The following ANGPT1 variants were observed in gnomAD, a reference collection of about 807,000 sequenced individuals.
ANGPT1 encodes the protein angiopoietin 1, also known as angiopoietin-1.
Under a neutral mutation model 62.2 loss-of-function variants are expected in ANGPT1, and 17 were observed. The ratio of observed to expected loss-of-function variants is 0.27; its 90% confidence interval spans 0.19 to 0.41. The LOEUF (loss-of-function observed/expected upper bound fraction) is 0.41. Among genes scored for constraint, ANGPT1 ranks in the 10% least tolerant of loss-of-function variants. The pLI, the probability that ANGPT1 is intolerant of heterozygous loss-of-function variation, is 1.00. For synonymous variants in ANGPT1, 199 were observed against 198.9 expected (o/e 1.00, Z 0.00); for missense variants, 478 against 594.9 (o/e 0.80, Z 2.04).
At chr8:107,329,150 C>T (rs932817872) in intron 3 of ANGPT1, among the ~76,000 whole-genome samples, 12 of 151,934 alleles carry the variant, frequency 7.9e-5, no homozygotes, top group African/African-American at 2.7e-4. Context: ...TATGAGTGTA[C>T]ATCTGTGTAA....
intron 1 of ANGPT1, among the ~76,000 whole-genome samples, chr8:107,401,431 T>C (rs1315004493): frequency 1.3e-5 from 2 of 152,228 alleles, no homozygotes; most frequent in South Asian, 4.1e-4. Context: ...AGAACCACTG[T>C]AACAATCTTA....
intron 2 of ANGPT1, among the ~76,000 whole-genome samples, chr8:107,340,665 T>C (rs912829128): frequency 6.6e-6 from 1 of 151,350 alleles, no homozygotes; most frequent in Non-Finnish European, 1.5e-5. Context: ...TTTGTATTTT[T>C]TTTTTTTTTG....
chr8:107,285,488 A>G (rs1814117556), intron 6 of ANGPT1, among the ~76,000 whole-genome samples: 1 of 152,106 alleles, frequency 6.6e-6, no homozygotes. Context: ...GACTGTAATT[A>G]TTTACAAAGC....
At chr8:107,481,637 A>T (rs77646211) in intron 1 of ANGPT1, among the ~76,000 whole-genome samples, 7,909 of 151,928 alleles carry the variant, frequency 0.052, 235 homozygotes, top group South Asian at 0.11. Flanking sequence ...GAAACTGGGT[A>T]ATTTATAAAG....
At chr8:107,288,581 A>G (rs1272081768) in intron 6 of ANGPT1, among the ~76,000 whole-genome samples, 1 of 152,150 alleles carries the variant, frequency 6.6e-6, no homozygotes, top group Admixed American at 6.6e-5. Context: ...AGGGAGAGCT[A>G]TACATGTAAA....
chr8:107,254,755 G>A (rs10100390), intron 8 of ANGPT1, among the ~76,000 whole-genome samples: 41,254 of 151,930 alleles, frequency 0.27, 5,873 homozygotes, highest in Middle Eastern at 0.35. Flanking sequence ...AAATGAAGGT[G>A]GAGGAATAGG....
intron 1 of ANGPT1, among the ~76,000 whole-genome samples, chr8:107,385,098 G>A (rs767983858): frequency 1.3e-5 from 2 of 152,108 alleles, no homozygotes; most frequent in Non-Finnish European, 2.9e-5. Flanking sequence ...GGCCATTCAA[G>A]CTCTTTCTTG....
At chr8:107,291,769 T>C (rs1015095597) in intron 6 of ANGPT1, among the ~76,000 whole-genome samples, 1 of 151,712 alleles carries the variant, frequency 6.6e-6, no homozygotes, top group Non-Finnish European at 1.5e-5. Flanking sequence ...TAGATAATCT[T>C]TTATCCCTCA....
intron 1 of ANGPT1, among the ~76,000 whole-genome samples, chr8:107,391,037 G>C (rs1161426823): frequency 1.3e-5 from 2 of 152,098 alleles, no homozygotes; most frequent in Non-Finnish European, 2.9e-5. Flanking sequence ...ATTTTTAAAG[G>C]TTGTAGATTT....
intron 1 of ANGPT1, among the ~76,000 whole-genome samples, chr8:107,373,759 T>C (rs1189598797): frequency 2.6e-5 from 4 of 152,222 alleles, no homozygotes; most frequent in Non-Finnish European, 2.9e-5. Context: ...AGGTACAACC[T>C]GGGCTTTCAG....
At chr8:107,444,408 C>T (rs1373658198) in intron 1 of ANGPT1, among the ~76,000 whole-genome samples, 5 of 152,174 alleles carry the variant, frequency 3.3e-5, no homozygotes, top group African/African-American at 1.2e-4. Flanking sequence ...CAGCCTTCTT[C>T]TGTTTATGTC....
chr8:107,299,644 T>C (rs953761842), intron 5 of ANGPT1, among the ~76,000 whole-genome samples: 1 of 137,546 alleles, frequency 7.3e-6, no homozygotes, highest in Non-Finnish European at 1.5e-5. Flanking sequence ...TATATATAGA[T>C]ATAAATATCT....
chr8:107,412,366 G>C (rs1303560132), intron 1 of ANGPT1, among the ~76,000 whole-genome samples: 2 of 152,082 alleles, frequency 1.3e-5, no homozygotes, highest in Admixed American at 6.6e-5. Flanking sequence ...TCATAGGGAA[G>C]AGTGAATTCC....
At chr8:107,486,031 A>G (rs1812804764) in intron 1 of ANGPT1, among the ~76,000 whole-genome samples, 2 of 152,222 alleles carry the variant, frequency 1.3e-5, no homozygotes, top group Admixed American at 1.3e-4. Flanking sequence ...ATTGTGCTTC[A>G]ATCAGCAACA....
chr8:107,278,285 T>C (rs1438533700), intron 7 of ANGPT1, among the ~76,000 whole-genome samples: 1 of 152,086 alleles, frequency 6.6e-6, no homozygotes, highest in African/African-American at 2.4e-5. Context: ...GTTCTCGCTA[T>C]GTTGCCCAGG....
intron 1 of ANGPT1, among the ~76,000 whole-genome samples, chr8:107,347,328 C>A (rs956972841): frequency 6.6e-6 from 1 of 152,146 alleles, no homozygotes; most frequent in Non-Finnish European, 1.5e-5. Flanking sequence ...ATCATAATGA[C>A]AATTTGCACT....
intron 1 of ANGPT1, among the ~76,000 whole-genome samples, chr8:107,406,989 A>C (rs1817162254): frequency 6.6e-6 from 1 of 151,658 alleles, no homozygotes; most frequent in South Asian, 2.1e-4. Flanking sequence ...TCTTTTGAGA[A>C]AGACCATCTT....
intron 8 of ANGPT1, 77 bp downstream of exon 8, chr8:107,264,144 C>T (rs1813559322): frequency 1.3e-6 from 2 of 1,503,440 alleles, no homozygotes; most frequent in Middle Eastern, 1.8e-4. Flanking sequence ...TAAGATCATA[C>T]TCCTTTCTCA....
At chr8:107,395,088 T>G (rs902326623) in intron 1 of ANGPT1, among the ~76,000 whole-genome samples, 2 of 152,192 alleles carry the variant, frequency 1.3e-5, no homozygotes, top group Non-Finnish European at 2.9e-5. Flanking sequence ...TAGAGTGAGC[T>G]GCCTTCTGAA....
Sources: allele counts gnomAD v4.1 joint callset (sites outside exome capture counted in the v4.1 genomes callset), GRCh38; gene constraint gnomAD v4.1.1; transcripts MANE v1.5; gene names NCBI Gene and HGNC (gene_info 2026-07-23, HGNC 2026-07-21).